Variants in NOD2 observed in about 807,000 individuals in gnomAD.
NOD2 encodes nucleotide binding oligomerization domain containing 2.
A neutral mutation model predicts 90.9 loss-of-function variants in NOD2; 86 were observed. The observed-to-expected ratio is 0.95, with a 90% confidence interval of 0.79 to 1.13. The LOEUF (loss-of-function observed/expected upper bound fraction) is 1.13. NOD2 is among the 50% of genes most tolerant of loss of function. NOD2 has a pLI of 0.00. For missense variants in NOD2, 1,238 were observed against 1,283.8 expected (o/e 0.96, Z 0.55); for synonymous variants, 581 against 554.6 (o/e 1.05, Z -0.67).
chr16:50,712,566 T>A, intron 4 of NOD2, 193 bp downstream of exon 4: 1 of 687,144 alleles, frequency 1.5e-6, no homozygotes, highest in Non-Finnish European at 2.5e-6. Context: ...CTTTATTGAC[T>A]GGCCTATGTG....
At chr16:50,697,339 C>T (rs371063908) in intron 1 of NOD2, 292 of 1,547,808 alleles carry the variant, frequency 1.9e-4, no homozygotes, top group Non-Finnish European at 2.4e-4. Context: ...GGCATTGTCC[C>T]GTCCCAGCTT....
chr16:50,712,421 A>G, intron 4 of NOD2, 48 bp downstream of exon 4: 2 of 1,608,588 alleles, frequency 1.2e-6, no homozygotes, highest in Non-Finnish European at 1.7e-6. Flanking sequence ...AGCACCATCA[A>G]GGCTAAGTGT....
At position 50,697,456 on chromosome 16, in the gene NOD2, G is replaced by A. The variant is rs1418446222; in HGVS notation, c.-8-2032G>A. On this transcript the variant is annotated intron_variant, in intron 1 of 11. Transcript: ENST00000647318. ...GCTGTTTTCTGGGGAGAATGGGTCG[G>A]CGGGTTTTTTTCCCCAGGACCTGGG... 5 of 864,964 alleles carry A rather than the reference G, an allele frequency of 5.8e-6. No individual in the cohort carries two copies. In the African/African-American group the frequency reaches 8.3e-5, roughly 14 times the overall value. The allele number at this position is 864,964 out of a possible 1,614,324, so 53.6% of individuals were successfully genotyped here.
chr16:50,695,614 G>A (rs1236126276), intron 1 of NOD2, among the ~76,000 whole-genome samples: 1 of 152,106 alleles, frequency 6.6e-6, no homozygotes, highest in Non-Finnish European at 1.5e-5. Flanking sequence ...GAGTGATATG[G>A]AGAAGAGAAG....
intron 10 of NOD2, chr16:50,728,056 G>T: frequency 8.6e-6 from 2 of 232,554 alleles, no homozygotes; most frequent in South Asian, 1.1e-4. Flanking sequence ...AAGAGAAGAT[G>T]ACACTTCAAA....
chr16:50,710,955 A>G lies in NOD2; in HGVS notation c.963A>G (p.Leu321=), dbSNP rs2150808670. 10 of 1,613,762 alleles carry G rather than the reference A, an allele frequency of 6.2e-6. No homozygotes were observed. Among genetic ancestry groups the G allele is most frequent in the Non-Finnish European group, 8.5e-6 (10 of 1,179,952 alleles). ...CCAAACCACTCTCTGTGCGGACTCTACTCTTTGAGCACTGCTGTTGGCCTG... is the reference window on the plus strand; with the variant it reads ...CCAAACCACTCTCTGTGCGGACTCTGCTCTTTGAGCACTGCTGTTGGCCTG... The part of the protein sequence containing the change: ...CMAKPLSVRT[L]LFEHCCWPDV... Residue 321 remains leucine (L), a synonymous_variant, in exon 4 of 12, where the codon CTA becomes CTG. Coordinates refer to ENST00000647318, the MANE Select transcript of NOD2 (RefSeq NM_001370466.1).
chr16:50,712,449 C>A (rs2150815318), intron 4 of NOD2, 76 bp downstream of exon 4: 2 of 1,586,886 alleles, frequency 1.3e-6, no homozygotes, highest in Non-Finnish European at 1.7e-6. Flanking sequence ...CCGAGCTGGG[C>A]TCTAGAAGTC....
At chr16:50,702,969 C>T (rs187478122) in intron 2 of NOD2, among the ~76,000 whole-genome samples, 11 of 152,298 alleles carry the variant, frequency 7.2e-5, no homozygotes, top group South Asian at 6.2e-4. Context: ...ACCAGCTGTC[C>T]GTCTGACTCA....
At chr16:50,706,914 T>C (rs755804985) in intron 2 of NOD2, among the ~76,000 whole-genome samples, 3 of 152,130 alleles carry the variant, frequency 2.0e-5, no homozygotes, top group Non-Finnish European at 4.4e-5. Flanking sequence ...TCCAGGCTGG[T>C]CTGGAACTCC....
In NOD2 at chr16:50,697,378, G is replaced by T. The variant is rs764161048; in HGVS notation, c.-8-2110G>T. ...CCTCAGCCTTCTTTCATCCTTGGCC[G>T]CGACATGCTCCCAGGCCTGGGGTCA... On this transcript the variant is annotated intron_variant, in intron 1 of 11. Transcript: ENST00000647318. 23 of 1,435,084 alleles carry T rather than the reference G, an allele frequency of 1.6e-5. No homozygotes were observed. The East Asian group carries it at 4.9e-4, about 31-fold the overall frequency. 88.9% of individuals were successfully genotyped at this position (1,435,084 alleles called of 1,614,324 possible).
Position 50,731,880 on chromosome 16 carries a change from G to A in NOD2, c.*61G>A. ...GAGCAGGCTGTGAGTTTGGGCCCCA[G>A]AGGCTGGGTGACATGTGTTGGCAGC... On this transcript the variant is annotated 3_prime_UTR_variant, in exon 12 of 12. Coordinates refer to ENST00000647318, the MANE Select transcript of NOD2 (RefSeq NM_001370466.1). The A allele has an allele frequency of 7.8e-7, 1 of 1,276,636 alleles. No homozygotes were observed. Among genetic ancestry groups the A allele is most frequent in the Non-Finnish European group, 1.1e-6 (1 of 875,256 alleles). The allele number at this position is 1,276,636 out of a possible 1,614,324, so 79.1% of individuals were successfully genotyped here. A position where few individuals can be genotyped will look rare whatever the true frequency, so the allele number is the denominator to read the frequency against.
At chr16:50,696,110 G>A (rs906901920) in intron 1 of NOD2, among the ~76,000 whole-genome samples, 15 of 152,222 alleles carry the variant, frequency 9.9e-5, no homozygotes, top group African/African-American at 3.6e-4. Flanking sequence ...CTTGGCCCCA[G>A]CAGAGACTCA....
At chr16:50,717,662 A>G (rs1455324185) in intron 6 of NOD2, among the ~76,000 whole-genome samples, 3 of 152,230 alleles carry the variant, frequency 2.0e-5, no homozygotes, top group African/African-American at 4.8e-5. Flanking sequence ...CCATTTTAAA[A>G]TGGCGGGCCA....
Position 50,707,913 on chromosome 16 carries a change from T to C in NOD2, c.518T>C (p.Leu173Pro), listed in dbSNP as rs758959985. ...VKANGLAAFL[L>P]QHVQELPVPL... ...GCGAATGGATTGGCTGCCTTCCTTCTACAACATGTTCAGGAATTACCAGTC... is the reference window on the plus strand; with the variant it reads ...GCGAATGGATTGGCTGCCTTCCTTCCACAACATGTTCAGGAATTACCAGTC... Residue 173 changes from leucine (L) to proline (P), a missense_variant, in exon 3 of 12, where the codon CTA (leucine) becomes CCA (proline). Physicochemically the swap from Leu to Pro is moderately conservative, Grantham distance 98. Coordinates refer to ENST00000647318, the MANE Select transcript of NOD2 (RefSeq NM_001370466.1). 3 of 1,614,142 alleles carry C rather than the reference T, an allele frequency of 1.9e-6. No individual in the cohort carries two copies. In the South Asian group the frequency reaches 3.3e-5, roughly 18 times the overall value.
intron 10 of NOD2, chr16:50,728,158 A>G (rs747272418): frequency 4.7e-6 from 1 of 214,174 alleles, no homozygotes; most frequent in Non-Finnish European, 9.6e-6. Context: ...CTGAATGACC[A>G]TGGAATGGTC....
intron 8 of NOD2, among the ~76,000 whole-genome samples, chr16:50,723,032 G>A (rs1346181812): frequency 6.9e-6 from 1 of 144,100 alleles, no homozygotes; most frequent in African/African-American, 2.6e-5. Context: ...TTCTAAGGCT[G>A]CACCTGGGCT....
In NOD2 at chr16:50,711,893, C is replaced by T. The variant is rs1329100109; in HGVS notation, c.1901C>T (p.Ala634Val). Residue 634 changes from alanine to valine, a missense_variant, in exon 4 of 12, where the codon GCT becomes GTT. Ala to Val is a moderately conservative substitution (Grantham distance 64). Coordinates refer to ENST00000647318, the MANE Select transcript of NOD2 (RefSeq NM_001370466.1). ...GAGGGAAAGGACAGCAGCGTGGCAG[C>T]TTTGCTGCAGAAGGCCGAGCCGCAC... ...ASEGKDSSVA[A>V]LLQKAEPHNL... 2 of 1,608,392 alleles carry T rather than the reference C, an allele frequency of 1.2e-6. No individual in the cohort carries two copies. The highest frequency in any genetic ancestry group is 1.3e-5 in the African/African-American group (1 of 74,854).
intron 4 of NOD2, 136 bp downstream of exon 4, chr16:50,712,509 C>T: frequency 9.4e-7 from 1 of 1,063,940 alleles, no homozygotes; most frequent in Non-Finnish European, 1.4e-6. Flanking sequence ...TGCCCAGATC[C>T]CTTCCCTTCT....
chr16:50,694,696 C>G (rs1207711622), intron 1 of NOD2, among the ~76,000 whole-genome samples: 1 of 152,176 alleles, frequency 6.6e-6, no homozygotes, highest in Non-Finnish European at 1.5e-5. Context: ...ATGTCTGTCT[C>G]CCGGAGCCAT....
Sources: allele counts gnomAD v4.1 joint callset (sites outside exome capture counted in the v4.1 genomes callset), GRCh38; gene constraint gnomAD v4.1.1; transcripts MANE v1.5; gene names NCBI Gene and HGNC (gene_info 2026-07-23, HGNC 2026-07-21).